Variants in CATSPERE observed in about 807,000 individuals in gnomAD.
CATSPERE encodes cation channel sperm-associated auxiliary subunit epsilon.
In CATSPERE, 93 loss-of-function variants were observed where a neutral mutation model predicts 114.1. That is an observed-to-expected ratio of 0.81 (90% CI 0.69 to 0.97). The LOEUF (loss-of-function observed/expected upper bound fraction) is 0.97. Among genes scored for constraint, CATSPERE ranks in the 50% least tolerant of loss-of-function variants. The pLI is 0.00. For missense variants in CATSPERE, 1,058 were observed against 1,131.6 expected (o/e 0.93, Z 0.93); for synonymous variants, 341 against 384.1 (o/e 0.89, Z 1.31).
chr1:244,628,847 A>G (rs1413136095), intron 20 of CATSPERE, among the ~76,000 whole-genome samples: 1 of 152,200 alleles, frequency 6.6e-6, no homozygotes, highest in Non-Finnish European at 1.5e-5. Context: ...AACTCCCCAC[A>G]TCTAGGCAAA....
rs763437521 is a variant in CATSPERE, at chr1:244,575,029, ATC to A, written c.1950+2268_1950+2269del. On this transcript the variant is annotated intron_variant, in intron 11 of 21. Transcript: ENST00000366534. This position sits in a 1 kb window ranked among gnomAD's most constrained non-coding sequence, Gnocchi z 4.5. ...TCTCGCTCACTTATTCTCTCCCTCT[ATC>A]TCTCTCTCTCATTTGCGCTGTCTCC... 7.7e-6 allele frequency among the ~76,000 whole-genome samples: 1 copy of A among 129,816 alleles called. No homozygotes were observed. The highest frequency in any genetic ancestry group is 1.7e-5 in the Non-Finnish European group (1 of 60,358). 85.2% of individuals were successfully genotyped at this position (129,816 alleles called of 152,430 possible). A position where few individuals can be genotyped will look rare whatever the true frequency, so the allele number is the denominator to read the frequency against.
intron 8 of CATSPERE, among the ~76,000 whole-genome samples, chr1:244,548,294 T>G (rs1260779404): frequency 6.6e-6 from 1 of 152,216 alleles, no homozygotes; most frequent in Non-Finnish European, 1.5e-5. Context: ...ATTGAGGTTA[T>G]TCATGGGCTC....
chr1:244,490,627 C>T (rs1302181801), intron 6 of CATSPERE, among the ~76,000 whole-genome samples, 156 bp downstream of exon 6: 1 of 151,960 alleles, frequency 6.6e-6, no homozygotes, highest in Non-Finnish European at 1.5e-5. Context: ...TTCAGGAGGT[C>T]CATGAGGTTC....
At chr1:244,553,474 G>T (rs1397441916) in intron 9 of CATSPERE, among the ~76,000 whole-genome samples, 1 of 151,210 alleles carries the variant, frequency 6.6e-6, no homozygotes, top group Non-Finnish European at 1.5e-5. Context: ...TCAGCTACTC[G>T]GGAGGCTGAG....
chr1:244,506,525 G>A (rs956461810), intron 7 of CATSPERE, among the ~76,000 whole-genome samples: 1 of 152,130 alleles, frequency 6.6e-6, no homozygotes, highest in African/African-American at 2.4e-5. Context: ...GTACACAAAG[G>A]TTCCAATTCC....
chr1:244,579,599 G>C (rs1284210647), intron 11 of CATSPERE, among the ~76,000 whole-genome samples: 1 of 152,068 alleles, frequency 6.6e-6, no homozygotes, highest in Non-Finnish European at 1.5e-5. Context: ...AACATGTGTT[G>C]TTCAAGGGTC....
intron 10 of CATSPERE, among the ~76,000 whole-genome samples, chr1:244,566,926 G>A (rs1663653226): frequency 1.3e-5 from 2 of 151,992 alleles, no homozygotes. Context: ...ATTTGATGCA[G>A]TTGCTTCATA....
At chr1:244,525,749 C>CA (rs758385321) in intron 8 of CATSPERE, among the ~76,000 whole-genome samples, 8 of 151,634 alleles carry the variant, frequency 5.3e-5, no homozygotes, top group Non-Finnish European at 1.2e-4. Context: ...TTTGCAATTG[C>CA]AAAAAAAGAA....
At chr1:244,571,805 G>A (rs1320904468) in intron 10 of CATSPERE, among the ~76,000 whole-genome samples, 1 of 152,126 alleles carries the variant, frequency 6.6e-6, no homozygotes, top group African/African-American at 2.4e-5. Context: ...GTGTCCTCAT[G>A]TGGCCTTTCT....
chr1:244,495,304 A>G (rs1426653590), intron 6 of CATSPERE, among the ~76,000 whole-genome samples: 3 of 152,316 alleles, frequency 2.0e-5, no homozygotes, highest in Admixed American at 6.5e-5. Context: ...GTTTTATTTT[A>G]TAGTTAAAAG....
intron 12 of CATSPERE, among the ~76,000 whole-genome samples, chr1:244,582,484 C>T (rs541162065): frequency 6.6e-6 from 1 of 151,376 alleles, no homozygotes; most frequent in South Asian, 2.1e-4. Flanking sequence ...CTCACTGCAA[C>T]CTCCACCTCG....
At chr1:244,461,589 G>C (rs1292609802) in intron 1 of CATSPERE, 95 bp downstream of exon 1, 3 of 1,033,650 alleles carry the variant, frequency 2.9e-6, no homozygotes, top group Non-Finnish European at 3.8e-6. Flanking sequence ...TGCGCCTCGG[G>C]ACCGCTCGCC....
chr1:244,553,602 T>A (rs141030805), intron 9 of CATSPERE, among the ~76,000 whole-genome samples: 102 of 91,916 alleles, frequency 1.1e-3, no homozygotes, highest in South Asian at 1.6e-3. Context: ...AAAAAAAAAA[T>A]ACACACACAC....
In CATSPERE at chr1:244,575,401, G is replaced by A. The variant is rs546099606; in HGVS notation, c.1950+2629G>A. 1.6e-4 allele frequency among the ~76,000 whole-genome samples: 24 copies of A among 152,292 alleles called. No individual in the cohort carries two copies. Among genetic ancestry groups the A allele is most frequent in the Admixed American group, 6.5e-4 (10 of 15,306 alleles). ...CTACCTCTTGGCTGCCGGGCTGCGC[G>A]GCATGGTATCCTGGCCCCGGCACAC... is the stretch of plus-strand genomic sequence containing the variant. On this transcript the variant is annotated intron_variant, in intron 11 of 21. Coordinates refer to ENST00000366534, the MANE Select transcript of CATSPERE (RefSeq NM_001130957.2). This position sits in a 1 kb window ranked among gnomAD's most constrained non-coding sequence, Gnocchi z 4.5.
At chr1:244,619,696 G>A (rs760972723) in intron 20 of CATSPERE, among the ~76,000 whole-genome samples, 7 of 152,208 alleles carry the variant, frequency 4.6e-5, no homozygotes, top group African/African-American at 9.6e-5. Context: ...GGGAGAACAC[G>A]TATTATGCCT....
rs559262429 is a variant in CATSPERE at position 244,542,299 on chromosome 1, G to A, written c.537-10023G>A. Among the ~76,000 whole-genome samples, 6 of 152,076 alleles carry A rather than the reference G, an allele frequency of 3.9e-5. No individual in the cohort carries two copies. In the South Asian group the frequency reaches 8.3e-4, roughly 21 times the overall value. ...CACACAACACCAACAGCTGAGTGGC[G>A]ACTCTACCACGCCTTGATGCTGTGC... is the stretch of plus-strand genomic sequence containing the variant. On this transcript the variant is annotated intron_variant, in intron 8 of 21. Transcript: ENST00000366534.
At chr1:244,494,922 A>T (rs1672859630) in intron 6 of CATSPERE, among the ~76,000 whole-genome samples, 1 of 152,216 alleles carries the variant, frequency 6.6e-6, no homozygotes, top group Non-Finnish European at 1.5e-5. Context: ...AACTATAACA[A>T]TGCTCAAAAG....
upstream of CATSPERE, among the ~76,000 whole-genome samples, chr1:244,458,649 T>G (rs1242130916): frequency 1.3e-5 from 2 of 152,260 alleles, no homozygotes; most frequent in African/African-American, 2.4e-5. Context: ...TTCTAACAAG[T>G]GAGTAAAATA....
In CATSPERE at chr1:244,531,579, G is replaced by C. The variant is rs983240373; in HGVS notation, c.536+12881G>C. On this transcript the variant is annotated intron_variant, in intron 8 of 21. Transcript: ENST00000366534. ...TATCAAATGCTTTTCGGTATTAATT[G>C]AAATGATCATATGGCTTTTATACTT... Among the ~76,000 whole-genome samples, 8 of 151,682 alleles carry C rather than the reference G, an allele frequency of 5.3e-5. No homozygotes were observed. In the East Asian group the frequency reaches 1.4e-3, roughly 26 times the overall value.
Sources: allele counts gnomAD v4.1 joint callset (sites outside exome capture counted in the v4.1 genomes callset), GRCh38; gene constraint gnomAD v4.1.1; non-coding constraint Gnocchi (gnomAD v3.1); transcripts MANE v1.5; gene names NCBI Gene and HGNC (gene_info 2026-07-23, HGNC 2026-07-21).